The following VWA8 variants were observed in gnomAD, a reference collection of about 807,000 sequenced individuals.
VWA8 encodes von Willebrand factor A domain-containing protein 8.
In VWA8, 221 loss-of-function variants were observed where a neutral mutation model predicts 241.5. The ratio of observed to expected loss-of-function variants is 0.91; its 90% confidence interval spans 0.82 to 1.02. The LOEUF (loss-of-function observed/expected upper bound fraction) is 1.02. Ranked by LOEUF, VWA8 falls within the 50% of genes least tolerant of loss-of-function variation. VWA8 has a pLI of 0.00. For synonymous variants in VWA8, 852 were observed against 827.1 expected, an observed-to-expected ratio of 1.03 and a Z score of -0.52; for missense variants, 2,322 against 2,328.7, an observed-to-expected ratio of 1.00 and a Z score of 0.06.
At chr13:41,840,528 T>C (rs1243664277) in intron 12 of VWA8, among the ~76,000 whole-genome samples, 1 of 151,422 alleles carries the variant, frequency 6.6e-6, no homozygotes, top group Non-Finnish European at 1.5e-5. Flanking sequence ...GAAGCTAAGG[T>C]GGGCTGATTG....
intron 30 of VWA8, among the ~76,000 whole-genome samples, chr13:41,692,490 A>G (rs559622922): frequency 6.6e-6 from 1 of 152,208 alleles, no homozygotes; most frequent in South Asian, 2.1e-4. Flanking sequence ...GAAATTAGGT[A>G]TCATACTCAC....
At chr13:41,594,903 C>A (rs2044478566) in intron 40 of VWA8, among the ~76,000 whole-genome samples, 1 of 152,112 alleles carries the variant, frequency 6.6e-6, no homozygotes, top group Non-Finnish European at 1.5e-5. Flanking sequence ...GGCAAGATTC[C>A]CCCAAGGGGA....
intron 17 of VWA8, among the ~76,000 whole-genome samples, chr13:41,805,387 T>C (rs1339641649): frequency 2.0e-5 from 3 of 152,200 alleles, no homozygotes; most frequent in African/African-American, 7.2e-5. Context: ...TAAATATATA[T>C]GCACCCAATA....
At chr13:41,604,309 T>A (rs1454030749) in intron 40 of VWA8, among the ~76,000 whole-genome samples, 2 of 152,184 alleles carry the variant, frequency 1.3e-5, no homozygotes, top group Non-Finnish European at 2.9e-5. Context: ...AATAACTGCA[T>A]ATAGATTTTT....
At chr13:41,782,687 T>C (rs1428562369) in intron 19 of VWA8, among the ~76,000 whole-genome samples, 2 of 152,062 alleles carry the variant, frequency 1.3e-5, no homozygotes, top group African/African-American at 2.4e-5. Context: ...AAGATTTTTA[T>C]TAAGAATAAT....
chr13:41,935,033 A>G (rs1157351064), intron 2 of VWA8, among the ~76,000 whole-genome samples: 1 of 151,992 alleles, frequency 6.6e-6, no homozygotes, highest in South Asian at 2.1e-4. Flanking sequence ...TATGTTGATT[A>G]TGTTTTATAT....
At chr13:41,893,507 T>C (rs1335791692) in intron 4 of VWA8, among the ~76,000 whole-genome samples, 1 of 149,990 alleles carries the variant, frequency 6.7e-6, no homozygotes, top group Non-Finnish European at 1.5e-5. Flanking sequence ...TAGTAGTTTC[T>C]AAAGAACAAC....
At chr13:41,654,225 G>T (rs2044886666) in intron 37 of VWA8, among the ~76,000 whole-genome samples, 1 of 152,162 alleles carries the variant, frequency 6.6e-6, no homozygotes, top group African/African-American at 2.4e-5. Context: ...ATTAATGGAT[G>T]AAAGTTTGAT....
intron 2 of VWA8, among the ~76,000 whole-genome samples, chr13:41,945,540 G>A (rs947044316): frequency 2.0e-5 from 3 of 152,094 alleles, no homozygotes; most frequent in Admixed American, 6.5e-5. Flanking sequence ...AAAGAAGTAT[G>A]ACAACAACGT....
chr13:41,891,112 G>C (rs1053424533), intron 5 of VWA8, among the ~76,000 whole-genome samples: 2 of 150,852 alleles, frequency 1.3e-5, no homozygotes, highest in Non-Finnish European at 2.9e-5. Flanking sequence ...AGAAAGAAAG[G>C]GGGGAAAAAA....
chr13:41,713,062 G>A (rs1366112131), intron 26 of VWA8, among the ~76,000 whole-genome samples: 1 of 152,194 alleles, frequency 6.6e-6, no homozygotes, highest in Non-Finnish European at 1.5e-5. Context: ...TAGTTAACTT[G>A]ATTTTTCACT....
intron 17 of VWA8, among the ~76,000 whole-genome samples, chr13:41,801,467 T>C (rs1292619791): frequency 6.6e-6 from 1 of 152,204 alleles, no homozygotes; most frequent in Non-Finnish European, 1.5e-5. Flanking sequence ...TAGATTCTCC[T>C]TTAATTCCTT....
chr13:41,716,388 C>T (rs1183579019), intron 26 of VWA8, among the ~76,000 whole-genome samples: 1 of 151,920 alleles, frequency 6.6e-6, no homozygotes, highest in African/African-American at 2.4e-5. Flanking sequence ...TTTAGGAGAA[C>T]AAAAGGGAAA....
intron 4 of VWA8, among the ~76,000 whole-genome samples, chr13:41,901,013 C>T (rs1000013728): frequency 1.3e-5 from 2 of 151,830 alleles, no homozygotes; most frequent in African/African-American, 2.4e-5. Context: ...CAGATTAAAT[C>T]AGATAACTTT....
At chr13:41,954,109 C>T (rs1226858600) in intron 1 of VWA8, among the ~76,000 whole-genome samples, 1 of 152,014 alleles carries the variant, frequency 6.6e-6, no homozygotes, top group Non-Finnish European at 1.5e-5. Context: ...TGTTCTTGGC[C>T]ATCTTCTGTT....
intron 1 of VWA8, among the ~76,000 whole-genome samples, chr13:41,959,803 T>G (rs1282498786): frequency 2.0e-5 from 3 of 150,902 alleles, no homozygotes; most frequent in Non-Finnish European, 4.4e-5. Flanking sequence ...GACACGGGGG[T>G]TTCACCGTGT....
intron 2 of VWA8, among the ~76,000 whole-genome samples, chr13:41,929,536 G>A (rs149386040): frequency 6.6e-5 from 10 of 152,232 alleles, no homozygotes; most frequent in African/African-American, 2.4e-4. Context: ...TTTTAAAAAG[G>A]TATGATACTG....
intron 12 of VWA8, among the ~76,000 whole-genome samples, chr13:41,841,179 G>T (rs955450364): frequency 6.6e-6 from 1 of 152,238 alleles, no homozygotes; most frequent in Middle Eastern, 3.4e-3. Flanking sequence ...ATTCCCATAA[G>T]GAAAGAGCTG....
intron 2 of VWA8, among the ~76,000 whole-genome samples, chr13:41,921,481 A>C (rs1002627786): frequency 1.3e-5 from 2 of 152,220 alleles, no homozygotes; most frequent in Non-Finnish European, 2.9e-5. Context: ...TCGATTAGGA[A>C]AACAGGAAGT....
Sources: allele counts gnomAD v4.1 joint callset (sites outside exome capture counted in the v4.1 genomes callset), GRCh38; gene constraint gnomAD v4.1.1; transcripts MANE v1.5; gene names NCBI Gene and HGNC (gene_info 2026-07-23, HGNC 2026-07-21).